The following LRIG3 variants were observed in gnomAD, a reference collection of about 807,000 sequenced individuals.
LRIG3 encodes leucine rich repeats and immunoglobulin like domains 3.
Under a neutral mutation model 114.5 loss-of-function variants are expected in LRIG3, and 76 were observed. The ratio of observed to expected loss-of-function variants is 0.66; its 90% CI spans 0.55 to 0.80. The LOEUF (loss-of-function observed/expected upper bound fraction) is 0.80, where lower values mean the gene tolerates loss of function less well. LRIG3 is among the 30% of genes least tolerant of loss of function. The probability of loss-of-function intolerance (pLI) is 0.00; values close to 1 mark genes in which losing one functional copy is unlikely to be tolerated. For synonymous variants in LRIG3, 512 were observed against 519.8 expected, an observed-to-expected ratio of 0.98 and a Z score of 0.20; for missense variants, 1,239 against 1,382.8, an observed-to-expected ratio of 0.90 and a Z score of 1.65.
At position 58,886,994 on chromosome 12, in the gene LRIG3, C is replaced by T. The variant is rs57739474; in HGVS notation, c.1092-104G>A. 1,612 of 723,772 alleles carry T rather than the reference C, an allele frequency of 2.2e-3. 17 individuals carry two copies. The African/African-American group carries it at 0.025, about 11-fold the overall frequency. 44.8% of individuals were successfully genotyped at this position (723,772 alleles called of 1,614,324 possible). A position where few individuals can be genotyped will look rare whatever the true frequency, so the allele number is the denominator to read the frequency against. On this transcript the variant is annotated intron_variant, in intron 8 of 18. Transcript: ENST00000320743. ...GTAAAAAATTTCTCATAATTCCCCACATTATCTCCACCTCTCTCAAAATAA... is the reference window on the plus strand; with the variant it reads ...GTAAAAAATTTCTCATAATTCCCCATATTATCTCCACCTCTCTCAAAATAA...
chr12:58,917,842 C>T (rs563016721), intron 1 of LRIG3, among the ~76,000 whole-genome samples: 5 of 152,266 alleles, frequency 3.3e-5, no homozygotes, highest in Admixed American at 1.3e-4. Context: ...TATCTGAACT[C>T]GGAAATCATC....
chr12:58,920,369 C>A lies in LRIG3; in HGVS notation c.-134G>T. ...GCGCTCCTCCCTCGCGCTGCCCGGT[C>A]AATTCCTTCTTTTACTCCCGGCGGC... On this transcript the variant is annotated 5_prime_UTR_variant, in exon 1 of 19. Coordinates refer to ENST00000320743, the MANE Select transcript of LRIG3 (RefSeq NM_153377.5). 2 of 586,516 alleles carry A rather than the reference C, an allele frequency of 3.4e-6. No individual in the cohort carries two copies. The highest frequency in any genetic ancestry group is 5.2e-6 in the Non-Finnish European group (2 of 387,482). The allele number at this position is 586,516 out of a possible 1,614,324, so 36.3% of individuals were successfully genotyped here.
At chr12:58,892,828 C>T (rs9804747) in intron 3 of LRIG3, among the ~76,000 whole-genome samples, 30,766 of 152,156 alleles carry the variant, frequency 0.2, 4,592 homozygotes, top group African/African-American at 0.41. Flanking sequence ...GCTCAAAGAA[C>T]AAGTCTGATT....
At chr12:58,875,698 TTA>T (rs1314670417) in intron 16 of LRIG3, among the ~76,000 whole-genome samples, 2 of 152,188 alleles carry the variant, frequency 1.3e-5, no homozygotes, top group Admixed American at 1.3e-4. Flanking sequence ...GCTGTCTCCA[TTA>T]TTATTCTCAA....
At chr12:58,887,177 T>G in intron 8 of LRIG3, 1 of 317,124 alleles carries the variant, frequency 3.2e-6, no homozygotes, top group Non-Finnish European at 5.8e-6. Context: ...GTCTGAAAAA[T>G]ACATTAAACT....
At chr12:58,884,770 C>T (rs1871223140) in intron 10 of LRIG3, among the ~76,000 whole-genome samples, 1 of 152,178 alleles carries the variant, frequency 6.6e-6, no homozygotes, top group African/African-American at 2.4e-5. Context: ...TCTCAATACA[C>T]AGCACACATA....
At chr12:58,905,250 CTAAATTGAGAAT>C (rs1433549605) in intron 3 of LRIG3, among the ~76,000 whole-genome samples, 37 of 152,216 alleles carry the variant, frequency 2.4e-4, no homozygotes, top group African/African-American at 6.3e-4. Context: ...TACAGTCATT[CTAAATTGAGAAT>C]TCAAAAACCT....
chr12:58,877,556 G>C lies in LRIG3; in HGVS notation c.2380C>G (p.Gln794Glu), dbSNP rs777719539. 6.2e-7 allele frequency: 1 copy of C among 1,614,256 alleles called. No individual in the cohort carries two copies. Among genetic ancestry groups the C allele is most frequent in the African/African-American group, 1.3e-5 (1 of 75,070 alleles). Residue 794 changes from glutamine to glutamate, a missense_variant, in exon 15 of 19, where the codon CAG becomes GAG. Physicochemically the swap from Gln to Glu is conservative, Grantham distance 29 (BLOSUM62 2). Transcript: ENST00000320743. ...VIPTPTCDSP[Q>E]MTAPSLDDDG... is the part of the protein sequence containing the mutation. ...TCGTCTAACGATGGGGCTGTCATCT[G>C]AGGGGAGTCGCAGGTTGGAGTGGGG...
intron 3 of LRIG3, among the ~76,000 whole-genome samples, chr12:58,899,152 A>T (rs1871752872): frequency 6.6e-6 from 1 of 152,198 alleles, no homozygotes; most frequent in Non-Finnish European, 1.5e-5. Flanking sequence ...GGGACCAAGG[A>T]AGTTGCATTT....
At position 58,903,608 on chromosome 12, in the gene LRIG3, G is replaced by A. The variant is rs528498699; in HGVS notation, c.383+10374C>T. On this transcript the variant is annotated intron_variant, in intron 3 of 18. Transcript: ENST00000320743. ...GTCAATTTTGTCTTTTGTTGCCATT[G>A]CTTTTGGTGTTTTGGACATGAAGTC... Among the ~76,000 whole-genome samples, 622 of 152,036 alleles carry A rather than the reference G, an allele frequency of 4.1e-3. 9 individuals carry two copies. The highest frequency in any genetic ancestry group is 0.014 in the African/African-American group (599 of 41,498).
At position 58,920,488 on chromosome 12, in the gene LRIG3, A is replaced by G; in HGVS notation, c.-253T>C. On this transcript the variant is annotated 5_prime_UTR_variant, in exon 1 of 19. Coordinates refer to ENST00000320743, the MANE Select transcript of LRIG3 (RefSeq NM_153377.5). ...AGCTTGAGCAGCGTCGGCTCGCCGA[A>G]GCCCCTTCTTGTCTGCAAAAGAAAC... 1 of 365,180 alleles carries G rather than the reference A, an allele frequency of 2.7e-6. No individual in the cohort carries two copies. Among genetic ancestry groups the G allele is most frequent in the Non-Finnish European group, 4.9e-6 (1 of 205,200 alleles). The allele number at this position is 365,180 out of a possible 1,614,324, so 22.6% of individuals were successfully genotyped here. A position where few individuals can be genotyped will look rare whatever the true frequency, so the allele number is the denominator to read the frequency against.
intron 11 of LRIG3, among the ~76,000 whole-genome samples, 196 bp downstream of exon 11, chr12:58,883,324 C>A (rs954862299): frequency 2.0e-5 from 3 of 152,018 alleles, no homozygotes; most frequent in Admixed American, 1.3e-4. Flanking sequence ...CACAAAGTTG[C>A]GAATTTAAAA....
chr12:58,898,998 C>A (rs1317687418), intron 3 of LRIG3, among the ~76,000 whole-genome samples: 1 of 152,206 alleles, frequency 6.6e-6, no homozygotes, highest in Non-Finnish European at 1.5e-5. Flanking sequence ...ATAATGCCAG[C>A]TTGGGGAGCC....
chr12:58,874,303 A>G lies in LRIG3; in HGVS notation c.2867T>C (p.Leu956Ser). The change falls in exon 18 of 19, where the codon TTA becomes TCA. Residue 956 changes from leucine (L) to serine (S), a missense_variant. Physicochemically the swap from Leu to Ser is moderately radical, Grantham distance 145. Transcript: ENST00000320743. The part of the protein sequence containing the change: ...TGCSPDPRTV[L>S]MDHYEPSYIK... Reference sequence around the variant, plus strand: ...GTAACTGGGCTCATAGTGGTCCATTAAAACTGTTCTTGGGTCAGGACTGCA... The same window carrying G: ...GTAACTGGGCTCATAGTGGTCCATTGAAACTGTTCTTGGGTCAGGACTGCA... 2 of 1,612,848 alleles carry G rather than the reference A, an allele frequency of 1.2e-6. No individual in the cohort carries two copies. Among genetic ancestry groups the G allele is most frequent in the Non-Finnish European group, 1.7e-6 (2 of 1,179,558 alleles).
Position 58,879,009 on chromosome 12 carries a change from T to C in LRIG3, c.1898A>G (p.Gln633Arg). 2 of 1,614,144 alleles carry C rather than the reference T, an allele frequency of 1.2e-6. No homozygotes were observed. Among genetic ancestry groups the C allele is most frequent in the South Asian group, 1.1e-5 (1 of 91,068 alleles). ...GCCCCCATCCTTCTGCCAGGCTATC[T>C]GGGGGGCTGGGTGCCCCACAGCAGC... is the stretch of plus-strand genomic sequence containing the variant. ...ECAAVGHPAPQIAWQKDGGTD... is the reference protein window; with the variant it reads ...ECAAVGHPAPRIAWQKDGGTD... The change falls in exon 14 of 19, where the codon CAG (glutamine) becomes CGG (arginine). Residue 633 changes from glutamine to arginine, a missense_variant. By Grantham distance (43) the Gln-to-Arg change is conservative. Coordinates refer to ENST00000320743, the MANE Select transcript of LRIG3 (RefSeq NM_153377.5).
intron 5 of LRIG3, among the ~76,000 whole-genome samples, chr12:58,889,771 T>C (rs907106077): frequency 6.6e-6 from 1 of 152,002 alleles, no homozygotes; most frequent in Admixed American, 6.6e-5. Flanking sequence ...GTTCACTCTT[T>C]CAGTAACAAT....
In LRIG3 at chr12:58,874,521, A is replaced by T. The variant is rs774285143; in HGVS notation, c.2748T>A (p.Asp916Glu). ...SSEADVEAAT[D>E]LFLCPFLGST... ...ATCCCAAAAACGGACAAAGGAACAG[A>T]TCTGTGGCAGCTTCCACATCAGCTT... Residue 916 changes from aspartate (D) to glutamate (E), a missense_variant, in exon 17 of 19, where the codon GAT becomes GAA. By Grantham distance (45) the Asp-to-Glu change is conservative. Coordinates refer to ENST00000320743, the MANE Select transcript of LRIG3 (RefSeq NM_153377.5). 6.2e-7 allele frequency: 1 copy of T among 1,614,078 alleles called. No individual in the cohort carries two copies. The highest frequency in any genetic ancestry group is 1.3e-5 in the African/African-American group (1 of 74,934).
At position 58,895,772 on chromosome 12, in the gene LRIG3, C is replaced by T. The variant is rs549062561; in HGVS notation, c.384-4976G>A. 2.6e-5 allele frequency among the ~76,000 whole-genome samples: 4 copies of T among 152,272 alleles called. No homozygotes were observed. In the East Asian group the frequency reaches 5.8e-4, roughly 22 times the overall value. On this transcript the variant is annotated intron_variant, in intron 3 of 18. Transcript: ENST00000320743. Reference sequence around the variant, plus strand: ...CATGACCAGGCGCAAGGGCACCAATCGGAGGCTCCTAACTTCATGCAGGAC... The same window carrying T: ...CATGACCAGGCGCAAGGGCACCAATTGGAGGCTCCTAACTTCATGCAGGAC...
intron 15 of LRIG3, among the ~76,000 whole-genome samples, chr12:58,877,078 G>C (rs1046625390): frequency 1.3e-5 from 2 of 152,128 alleles, no homozygotes; most frequent in Admixed American, 6.5e-5. Flanking sequence ...CTACTGCAGA[G>C]AGTAAACCTT....
Sources: allele counts gnomAD v4.1 joint callset (sites outside exome capture counted in the v4.1 genomes callset), GRCh38; gene constraint gnomAD v4.1.1; transcripts MANE v1.5; gene names NCBI Gene and HGNC (gene_info 2026-07-23, HGNC 2026-07-21).